Variants in RAD54L2 observed in about 807,000 individuals in gnomAD.
RAD54L2 encodes the protein RAD54 like 2, also known as helicase ARIP4.
In RAD54L2, 27 loss-of-function variants were observed where a neutral mutation model predicts 138.4. The observed-to-expected ratio is 0.20, with a 90% CI of 0.14 to 0.27. The LOEUF is 0.27. Among genes scored for constraint, RAD54L2 ranks in the 10% least tolerant of loss-of-function variants. RAD54L2 has a pLI of 1.00. For missense variants in RAD54L2, 1,396 were observed against 1,890.2 expected, an observed-to-expected ratio of 0.74 and a Z score of 4.85; for synonymous variants, 644 against 723.2, an observed-to-expected ratio of 0.89 and a Z score of 1.76.
intron 2 of RAD54L2, among the ~76,000 whole-genome samples, chr3:51,563,276 G>A (rs183322780): frequency 2.0e-5 from 3 of 152,144 alleles, no homozygotes; most frequent in East Asian, 3.9e-4. Context: ...GGATGTAAAC[G>A]TATTAACAAG....
intron 3 of RAD54L2, among the ~76,000 whole-genome samples, chr3:51,606,854 G>T (rs1036378444): frequency 2.6e-5 from 4 of 151,538 alleles, no homozygotes; most frequent in African/African-American, 9.7e-5. Flanking sequence ...GCTAATTTTT[G>T]TATTTTTAGT....
chr3:51,630,389 G>C lies in RAD54L2; in HGVS notation c.598+1G>C. On this transcript the variant is annotated splice_donor_variant, in intron 6 of 22. Transcript: ENST00000684192. LOFTEE classifies it high-confidence loss of function. ...GAGGATGAAAAAAGCAGTCGAGATG[G>C]TAAGATCAAACCAGGTGCCTCCCTT... is the stretch of plus-strand genomic sequence containing the variant. 6.2e-7 allele frequency: 1 copy of C among 1,612,428 alleles called. No individual in the cohort carries two copies. The highest frequency in any genetic ancestry group is 8.5e-7 in the Non-Finnish European group (1 of 1,178,616).
At chr3:51,625,214 T>A (rs1423790803) in intron 3 of RAD54L2, among the ~76,000 whole-genome samples, 1 of 151,994 alleles carries the variant, frequency 6.6e-6, no homozygotes, top group Non-Finnish European at 1.5e-5. Context: ...AGGTCGGGAG[T>A]TCGAGACCAC....
At chr3:51,646,585 T>A in intron 19 of RAD54L2, 104 bp downstream of exon 19, 1 of 1,171,388 alleles carries the variant, frequency 8.5e-7, no homozygotes, top group South Asian at 1.6e-5. Context: ...GTTCCTTGAC[T>A]GCTGTGAATT....
At chr3:51,559,958 T>C (rs1462002545) in intron 2 of RAD54L2, among the ~76,000 whole-genome samples, 1 of 152,180 alleles carries the variant, frequency 6.6e-6, no homozygotes, top group African/African-American at 2.4e-5. Context: ...GTAGGATTTG[T>C]TTGTGATGTG....
At chr3:51,593,059 T>C (rs1377842199) in intron 3 of RAD54L2, among the ~76,000 whole-genome samples, 1 of 152,170 alleles carries the variant, frequency 6.6e-6, no homozygotes, top group African/African-American at 2.4e-5. Flanking sequence ...ATGTGGCCCT[T>C]TTGTTTTCTT....
At chr3:51,561,714 A>G (rs533055523) in intron 2 of RAD54L2, among the ~76,000 whole-genome samples, 33 of 151,674 alleles carry the variant, frequency 2.2e-4, no homozygotes, top group Middle Eastern at 3.4e-3. Context: ...GGAGCATGCC[A>G]CCATTCCTGG....
At chr3:51,548,198 C>CT (rs1486351635) in intron 2 of RAD54L2, among the ~76,000 whole-genome samples, 11 of 144,322 alleles carry the variant, frequency 7.6e-5, no homozygotes, top group Non-Finnish European at 1.2e-4. Context: ...CGGCCACTTT[C>CT]TTTTTTTTGA....
intron 2 of RAD54L2, among the ~76,000 whole-genome samples, chr3:51,573,482 C>T (rs190140555): frequency 2.2e-4 from 33 of 150,390 alleles, no homozygotes; most frequent in Middle Eastern, 3.4e-3. Flanking sequence ...CTTGCTGTTT[C>T]CCAGGCTGGA....
chr3:51,585,208 C>T (rs924496509), intron 2 of RAD54L2, among the ~76,000 whole-genome samples: 18 of 152,116 alleles, frequency 1.2e-4, no homozygotes, highest in South Asian at 2.1e-4. Flanking sequence ...AAGTCATTTG[C>T]GCTTGCTGTG....
rs149107228 is a variant in RAD54L2 at position 51,602,652 on chromosome 3, G to C, written c.139+12093G>C. 5.9e-4 allele frequency among the ~76,000 whole-genome samples: 90 copies of C among 152,286 alleles called. 1 individual carries two copies. The East Asian group carries it at 0.015, about 26-fold the overall frequency. ...TTAGGAAAGCAATAACAGTGTGCGAGAGCAGCAGGGGAAAGAGATACATTC... is the reference window on the plus strand; with the variant it reads ...TTAGGAAAGCAATAACAGTGTGCGACAGCAGCAGGGGAAAGAGATACATTC... On this transcript the variant is annotated intron_variant, in intron 3 of 22. Transcript: ENST00000684192.
rs75808209 is a variant in RAD54L2 at position 51,589,126 on chromosome 3, G to A, written c.-54-1241G>A. Among the ~76,000 whole-genome samples, 412 of 152,252 alleles carry A rather than the reference G, an allele frequency of 2.7e-3. 1 individual carries two copies. The highest frequency in any genetic ancestry group is 9.3e-3 in the African/African-American group (386 of 41,560). ...TCCATGTACAATGGGGTTACATCCT[G>A]ATAAATGCATCGTAAGTTGAAAATA... On this transcript the variant is annotated intron_variant, in intron 2 of 22. Coordinates refer to ENST00000684192, the MANE Select transcript of RAD54L2 (RefSeq NM_015106.4).
At chr3:51,552,561 CTTTTTTTTT>C (rs58505964) in intron 2 of RAD54L2, among the ~76,000 whole-genome samples, 2 of 106,752 alleles carry the variant, frequency 1.9e-5, no homozygotes, top group Admixed American at 1.0e-4. Context: ...TGCGCCTGGC[CTTTTTTTTT>C]TTTTTTTTTT....
intron 18 of RAD54L2, 86 bp from the exon 19 acceptor site, chr3:51,646,199 A>T: frequency 1.6e-6 from 2 of 1,247,134 alleles, no homozygotes; most frequent in Non-Finnish European, 2.3e-6. Context: ...TGCTGGAGAC[A>T]GCCAGCTCTT....
intron 2 of RAD54L2, among the ~76,000 whole-genome samples, chr3:51,590,027 G>A (rs971945482): frequency 1.1e-4 from 17 of 152,114 alleles, no homozygotes; most frequent in African/African-American, 3.9e-4. Flanking sequence ...GTCTCACCTC[G>A]TCGCTCAGGC....
At chr3:51,594,860 CTT>C (rs71278623) in intron 3 of RAD54L2, among the ~76,000 whole-genome samples, 68 of 33,580 alleles carry the variant, frequency 2.0e-3, no homozygotes, top group African/African-American at 7.2e-3. Flanking sequence ...TTGATGGGCG[CTT>C]TTTTTTTTTT....
In RAD54L2 at chr3:51,635,607, G is replaced by C; in HGVS notation, c.1157G>C (p.Arg386Pro). ...LNDEHKTMAS[R>P]AKVMADWVSE... is the part of the protein sequence containing the mutation. ...TCATCTTGCAGGACGATGGCATCTC[G>C]TGCTAAAGTGATGGCTGATTGGGTG... Residue 386 changes from arginine to proline, a missense_variant, in exon 10 of 23, where the codon CGT (arginine) becomes CCT (proline). Arg to Pro is a moderately radical substitution (Grantham distance 103, BLOSUM62 -2). Around this residue, in one of 7 missense-constraint regions of RAD54L2, gnomAD observed 169 missense variants for 235.6 expected, o/e 0.72. Coordinates refer to ENST00000684192, the MANE Select transcript of RAD54L2 (RefSeq NM_015106.4). 1 of 1,609,790 alleles carries C rather than the reference G, an allele frequency of 6.2e-7. No individual in the cohort carries two copies. Among genetic ancestry groups the C allele is most frequent in the Non-Finnish European group, 8.5e-7 (1 of 1,178,294 alleles).
intron 2 of RAD54L2, among the ~76,000 whole-genome samples, chr3:51,561,583 A>G (rs988173572): frequency 4.6e-5 from 7 of 151,176 alleles, no homozygotes; most frequent in African/African-American, 1.7e-4. Flanking sequence ...TTTTTTTGAA[A>G]CAGAGTCTCA....
At chr3:51,552,305 C>G (rs946866938) in intron 2 of RAD54L2, among the ~76,000 whole-genome samples, 1 of 151,954 alleles carries the variant, frequency 6.6e-6, no homozygotes, top group Non-Finnish European at 1.5e-5. Flanking sequence ...CTCTGTCGCC[C>G]AGGCTAGAGT....
Sources: allele counts gnomAD v4.1 joint callset (sites outside exome capture counted in the v4.1 genomes callset), GRCh38; gene constraint gnomAD v4.1.1; regional missense constraint gnomAD v4.1.1; transcripts MANE v1.5; gene names NCBI Gene and HGNC (gene_info 2026-07-23, HGNC 2026-07-21).